LHFPL3: variants seen among roughly 807,000 people sequenced by gnomAD.
LHFPL3 encodes the protein LHFPL tetraspan subfamily member 3 protein.
A neutral mutation model predicts 19.3 loss-of-function variants in LHFPL3; 5 were observed. The observed-to-expected ratio is 0.26, with a 90% CI of 0.14 to 0.54. The LOEUF (loss-of-function observed/expected upper bound fraction) is 0.54. Ranked by LOEUF, LHFPL3 falls within the 20% of genes least tolerant of loss-of-function variation. The pLI is 0.94. For synonymous variants in LHFPL3, 133 were observed against 126.2 expected (o/e 1.05, Z -0.36); for missense variants, 249 against 307.4 (o/e 0.81, Z 1.42).
At chr7:104,797,665 G>C (rs1790158841) in intron 2 of LHFPL3, among the ~76,000 whole-genome samples, 1 of 151,564 alleles carries the variant, frequency 6.6e-6, no homozygotes, top group African/African-American at 2.4e-5. Flanking sequence ...TGTAATCCCA[G>C]CACTTTGGGA....
At chr7:104,411,700 G>T (rs1791538051) in intron 1 of LHFPL3, among the ~76,000 whole-genome samples, 1 of 152,116 alleles carries the variant, frequency 6.6e-6, no homozygotes, top group Admixed American at 6.5e-5. Context: ...CAGAATATCA[G>T]CAGGACACAC....
chr7:104,505,540 G>C (rs996054442), intron 1 of LHFPL3, among the ~76,000 whole-genome samples: 3 of 152,144 alleles, frequency 2.0e-5, no homozygotes, highest in African/African-American at 7.2e-5. Flanking sequence ...GGGTTTCATG[G>C]AGAAAATTGT....
chr7:104,447,567 T>C (rs780537167), intron 1 of LHFPL3, among the ~76,000 whole-genome samples: 10 of 152,104 alleles, frequency 6.6e-5, no homozygotes, highest in Non-Finnish European at 1.5e-4. Context: ...CCACTGGCAT[T>C]TTCTTAGTAT....
At chr7:104,576,372 G>A (rs572789192) in intron 1 of LHFPL3, among the ~76,000 whole-genome samples, 1 of 152,174 alleles carries the variant, frequency 6.6e-6, no homozygotes, top group Admixed American at 6.5e-5. Flanking sequence ...ACTGGGGAAG[G>A]GGACAGGTGA....
chr7:104,356,759 G>A (rs1418183943), intron 1 of LHFPL3, among the ~76,000 whole-genome samples: 5 of 152,132 alleles, frequency 3.3e-5, no homozygotes, highest in Non-Finnish European at 7.4e-5. Context: ...CAGTCTAGTG[G>A]GGAGGAAATG....
rs1056522217 is a variant in LHFPL3 at position 104,399,766 on chromosome 7, C to A, written c.445+70542C>A. Among the ~76,000 whole-genome samples, 6 of 151,620 alleles carry A rather than the reference C, an allele frequency of 4.0e-5. No homozygotes were observed. The highest frequency in any genetic ancestry group is 8.8e-5 in the Non-Finnish European group (6 of 67,914). On this transcript the variant is annotated intron_variant, in intron 1 of 2. Coordinates refer to ENST00000424859, the MANE Select transcript of LHFPL3 (RefSeq NM_199000.3). This position sits in a 1 kb window ranked among gnomAD's most constrained non-coding sequence, Gnocchi z 4.4. The stretch of plus-strand genomic sequence containing the variant: ...GGATTACAGTTGTAAGCCACTGCGC[C>A]CGGCCATATGTTCTTCTGTCCTTAA...
At chr7:104,449,200 G>A (rs1031161098) in intron 1 of LHFPL3, among the ~76,000 whole-genome samples, 5 of 152,192 alleles carry the variant, frequency 3.3e-5, no homozygotes, top group Non-Finnish European at 7.3e-5. Context: ...ATCACACAAG[G>A]ATTTCTAACA....
intron 1 of LHFPL3, among the ~76,000 whole-genome samples, chr7:104,419,852 A>C (rs1303843868): frequency 2.0e-5 from 3 of 152,316 alleles, no homozygotes; most frequent in East Asian, 1.9e-4. Context: ...AGTGTTCTCT[A>C]TGTTAACCCA....
At chr7:104,420,719 C>T (rs932273258) in intron 1 of LHFPL3, among the ~76,000 whole-genome samples, 4 of 152,046 alleles carry the variant, frequency 2.6e-5, no homozygotes, top group African/African-American at 9.7e-5. Flanking sequence ...GCCACCATGC[C>T]CGGCTAATTT....
At chr7:104,814,960 G>C (rs1460774412) in intron 2 of LHFPL3, among the ~76,000 whole-genome samples, 1 of 152,186 alleles carries the variant, frequency 6.6e-6, no homozygotes, top group Admixed American at 6.5e-5. Flanking sequence ...GGGATGCCTG[G>C]GTCCATAGCT....
intron 1 of LHFPL3, among the ~76,000 whole-genome samples, chr7:104,499,199 C>G (rs1436203445): frequency 3.3e-5 from 5 of 152,168 alleles, no homozygotes; most frequent in African/African-American, 1.2e-4. Context: ...AGTCAGGAGA[C>G]AGAGTCTAGT....
intron 1 of LHFPL3, among the ~76,000 whole-genome samples, chr7:104,595,340 A>G (rs1201371807): frequency 6.6e-6 from 1 of 152,240 alleles, no homozygotes; most frequent in Non-Finnish European, 1.5e-5. Flanking sequence ...GTTCCACTCC[A>G]GACCCTGTTT....
chr7:104,752,749 C>T lies in LHFPL3; in HGVS notation c.682+15838C>T, dbSNP rs998860551. ...GACTGTAGACGTACTCGGGATCTCT[C>T]GTCGACTTGTCCTCAATGACCACGC... On this transcript the variant is annotated intron_variant, in intron 2 of 2. Transcript: ENST00000424859. The T allele has an allele frequency of 5.8e-5, 23 of 396,392 alleles. No individual in the cohort carries two copies. The East Asian group carries it at 6.1e-4, about 10-fold the overall frequency. The allele number at this position is 396,392 out of a possible 1,614,324, so 24.6% of individuals were successfully genotyped here.
intron 1 of LHFPL3, among the ~76,000 whole-genome samples, chr7:104,483,422 C>A (rs557124166): frequency 6.6e-6 from 1 of 152,084 alleles, no homozygotes; most frequent in Admixed American, 6.6e-5. Context: ...AAGAAAAAGG[C>A]TTTTAAATTG....
intron 1 of LHFPL3, among the ~76,000 whole-genome samples, chr7:104,331,080 T>C (rs1463761218): frequency 1.3e-5 from 2 of 152,240 alleles, no homozygotes; most frequent in East Asian, 3.8e-4. Flanking sequence ...CCCCCGCTTT[T>C]TGAAAGACAA....
At chr7:104,645,336 CTATT>C (rs1425456503) in intron 1 of LHFPL3, among the ~76,000 whole-genome samples, 1 of 152,084 alleles carries the variant, frequency 6.6e-6, no homozygotes, top group Non-Finnish European at 1.5e-5. Context: ...ACTATTCCGC[CTATT>C]TATTTTTGCT....
At chr7:104,571,648 C>T (rs1256335514) in intron 1 of LHFPL3, among the ~76,000 whole-genome samples, 3 of 152,164 alleles carry the variant, frequency 2.0e-5, no homozygotes, top group Non-Finnish European at 4.4e-5. Context: ...AACCTGCTTC[C>T]CTGTTATGTT....
At chr7:104,534,501 G>A (rs184193641) in intron 1 of LHFPL3, among the ~76,000 whole-genome samples, 1 of 152,338 alleles carries the variant, frequency 6.6e-6, no homozygotes, top group Admixed American at 6.5e-5. Context: ...GATGGTCATT[G>A]ACATTAACTA....
At chr7:104,348,952 C>G (rs1465909300) in intron 1 of LHFPL3, among the ~76,000 whole-genome samples, 1 of 147,220 alleles carries the variant, frequency 6.8e-6, no homozygotes, top group African/African-American at 2.6e-5. Flanking sequence ...CCTCTTTATT[C>G]TCCTCGTCCT....
Sources: allele counts gnomAD v4.1 joint callset (sites outside exome capture counted in the v4.1 genomes callset), GRCh38; gene constraint gnomAD v4.1.1; non-coding constraint Gnocchi (gnomAD v3.1); transcripts MANE v1.5; gene names NCBI Gene and HGNC (gene_info 2026-07-23, HGNC 2026-07-21).